The following MED12L variants were observed in gnomAD, a reference collection of about 807,000 sequenced individuals.
MED12L encodes mediator complex subunit 12L.
MED12L carries 60 observed loss-of-function variants against 281.3 expected under a neutral mutation model. That is an observed-to-expected ratio of 0.21 (90% confidence interval 0.17 to 0.26). The LOEUF is 0.26. Ranked by LOEUF, MED12L falls within the 10% of genes least tolerant of loss-of-function variation. MED12L has a pLI of 1.00. For synonymous variants in MED12L, 974 were observed against 987.2 expected (o/e 0.99, Z 0.25); for missense variants, 2,146 against 2,680.9 (o/e 0.80, Z 4.41).
At chr3:151,335,188 G>A (rs3975401) in intron 16 of MED12L, among the ~76,000 whole-genome samples, 132,250 of 152,088 alleles carry the variant, frequency 0.87, 57,663 homozygotes, top group Middle Eastern at 0.95. Context: ...TTTAACTATA[G>A]TCACCCTATT....
intron 16 of MED12L, chr3:151,269,466 C>G (rs1051836614): frequency 7.9e-6 from 2 of 252,898 alleles, no homozygotes; most frequent in African/African-American, 5.0e-5. Flanking sequence ...AATGAACAAG[C>G]CAGTGGGGAG....
intron 16 of MED12L, among the ~76,000 whole-genome samples, chr3:151,245,414 A>G (rs1277120922): frequency 1.5e-4 from 23 of 149,196 alleles, no homozygotes; most frequent in African/African-American, 5.7e-4. Context: ...CAAAAAGCTT[A>G]TCCACCATGA....
chr3:151,089,684 CG>C (rs144047104), intron 2 of MED12L, among the ~76,000 whole-genome samples: 2 of 68,266 alleles, frequency 2.9e-5, no homozygotes, highest in East Asian at 4.6e-4. Flanking sequence ...GGGGGTGGGG[CG>C]GGGGGGAGAA....
chr3:151,106,250 T>C, intron 2 of MED12L, among the ~76,000 whole-genome samples: 1 of 145,932 alleles, frequency 6.9e-6, no homozygotes, highest in Admixed American at 6.8e-5. Flanking sequence ...TCCTTTCCTT[T>C]CCTTTTCCTT....
At chr3:151,259,423 C>G (rs1257688063) in intron 16 of MED12L, among the ~76,000 whole-genome samples, 2 of 152,126 alleles carry the variant, frequency 1.3e-5, no homozygotes, top group Non-Finnish European at 1.5e-5. Flanking sequence ...ATAGGGTGGT[C>G]TTCTAACTTA....
chr3:151,232,309 A>G (rs1474829571), intron 16 of MED12L, among the ~76,000 whole-genome samples: 1 of 152,156 alleles, frequency 6.6e-6, no homozygotes, highest in South Asian at 2.1e-4. Context: ...CCTCCCACCA[A>G]TGTGTGGAAG....
intron 16 of MED12L, among the ~76,000 whole-genome samples, chr3:151,347,346 G>T (rs1286564989): frequency 6.6e-6 from 1 of 152,092 alleles, no homozygotes; most frequent in Non-Finnish European, 1.5e-5. Context: ...CTAATTCATT[G>T]CCTATTAAGG....
intron 5 of MED12L, among the ~76,000 whole-genome samples, chr3:151,129,083 T>C (rs1267623678): frequency 1.3e-5 from 2 of 152,220 alleles, no homozygotes; most frequent in Non-Finnish European, 2.9e-5. Flanking sequence ...TTATAAATAA[T>C]TCCTTATGAA....
At chr3:151,260,853 A>G (rs779700017) in intron 16 of MED12L, among the ~76,000 whole-genome samples, 2 of 152,110 alleles carry the variant, frequency 1.3e-5, no homozygotes, top group Non-Finnish European at 2.9e-5. Flanking sequence ...AGACTAAATT[A>G]TACTCAAAGC....
chr3:151,423,372 A>T (rs897447395), intron 43 of MED12L, among the ~76,000 whole-genome samples: 1 of 152,210 alleles, frequency 6.6e-6, no homozygotes, highest in Non-Finnish European at 1.5e-5. Flanking sequence ...ACTTGTAAAA[A>T]GTGACTCAGG....
chr3:151,357,943 C>T (rs1047408278), intron 20 of MED12L, among the ~76,000 whole-genome samples: 1 of 152,146 alleles, frequency 6.6e-6, no homozygotes, highest in Non-Finnish European at 1.5e-5. Context: ...GAGGCTAAGG[C>T]ACCAAATTAG....
chr3:151,092,757 T>C (rs560364144), intron 2 of MED12L, among the ~76,000 whole-genome samples: 1 of 152,274 alleles, frequency 6.6e-6, no homozygotes, highest in African/African-American at 2.4e-5. Context: ...GGGAGATACT[T>C]CATTTCAGAA....
chr3:151,244,171 G>A (rs1487199459), intron 16 of MED12L, among the ~76,000 whole-genome samples: 2 of 134,838 alleles, frequency 1.5e-5, no homozygotes, highest in Non-Finnish European at 3.3e-5. Flanking sequence ...AATAATGGGA[G>A]ACTTTAACAT....
At chr3:151,220,242 G>T (rs375886624) in intron 16 of MED12L, among the ~76,000 whole-genome samples, 6 of 151,758 alleles carry the variant, frequency 4.0e-5, no homozygotes, top group African/African-American at 1.5e-4. Flanking sequence ...TGAGACTAAT[G>T]TGTGGACTTT....
chr3:151,166,262 C>T (rs1720699460), intron 11 of MED12L, among the ~76,000 whole-genome samples: 1 of 152,024 alleles, frequency 6.6e-6, no homozygotes, highest in South Asian at 2.1e-4. Context: ...AGAAGAATAT[C>T]CTTCATTTAG....
At chr3:151,243,361 A>G (rs1734639682) in intron 16 of MED12L, among the ~76,000 whole-genome samples, 2 of 151,196 alleles carry the variant, frequency 1.3e-5, no homozygotes, top group African/African-American at 4.9e-5. Flanking sequence ...AAGGGCAGCC[A>G]GAGAGAAAGG....
intron 2 of MED12L, among the ~76,000 whole-genome samples, chr3:151,089,731 AT>A (rs888043980): frequency 1.4e-4 from 22 of 152,032 alleles, no homozygotes; most frequent in Admixed American, 9.2e-4. Context: ...GATTGGTTAT[AT>A]TTTTTTGAGA....
chr3:151,312,946 G>C (rs1747745044), intron 16 of MED12L, among the ~76,000 whole-genome samples: 1 of 152,170 alleles, frequency 6.6e-6, no homozygotes, highest in Non-Finnish European at 1.5e-5. Context: ...CATGCTACTT[G>C]AGTGGGTAGT....
At chr3:151,115,971 G>A (rs1712712427) in intron 2 of MED12L, among the ~76,000 whole-genome samples, 1 of 147,246 alleles carries the variant, frequency 6.8e-6, no homozygotes, top group Non-Finnish European at 1.5e-5. Context: ...CTGAGGAAAA[G>A]GAGAATGGCT....
Sources: allele counts gnomAD v4.1 joint callset (sites outside exome capture counted in the v4.1 genomes callset), GRCh38; gene constraint gnomAD v4.1.1; transcripts MANE v1.5; gene names NCBI Gene and HGNC (gene_info 2026-07-23, HGNC 2026-07-21).